The following TAF1B variants were observed in gnomAD, a reference collection of about 807,000 sequenced individuals.
TAF1B encodes the protein TATA box-binding protein-associated factor RNA polymerase I subunit B.
TAF1B carries 61 observed loss-of-function variants against 83.9 expected under a neutral mutation model. That is an observed-to-expected ratio of 0.73 (90% CI 0.59 to 0.90). The LOEUF (loss-of-function observed/expected upper bound fraction) is 0.90. TAF1B is among the 40% of genes least tolerant of loss of function. The pLI, the probability that TAF1B is intolerant of heterozygous loss-of-function variation, is 0.00. For missense variants in TAF1B, 625 were observed against 677.0 expected (o/e 0.92, Z 0.85); for synonymous variants, 221 against 224.6 (o/e 0.98, Z 0.14).
chr2:9,865,929 A>G (rs1294755426), intron 5 of TAF1B, among the ~76,000 whole-genome samples: 6 of 151,722 alleles, frequency 4.0e-5, no homozygotes, highest in East Asian at 3.9e-4. Flanking sequence ...TTATACAAAA[A>G]TTAATTCAAG....
At chr2:9,869,289 A>G (rs1330339716) in intron 6 of TAF1B, among the ~76,000 whole-genome samples, 1 of 151,932 alleles carries the variant, frequency 6.6e-6, no homozygotes, top group African/African-American at 2.4e-5. Flanking sequence ...CAGTGGTGCA[A>G]TCTCGGCTCA....
At chr2:9,852,841 G>A (rs1663441932) in intron 4 of TAF1B, among the ~76,000 whole-genome samples, 1 of 152,184 alleles carries the variant, frequency 6.6e-6, no homozygotes, top group Non-Finnish European at 1.5e-5. Context: ...GATCAACATG[G>A]GCTGCAGTCA....
chr2:9,845,328 A>G lies in TAF1B; in HGVS notation c.117+10A>G. The G allele has an allele frequency of 6.2e-7, 1 of 1,607,488 alleles. No individual in the cohort carries two copies. The highest frequency in any genetic ancestry group is 8.5e-7 in the Non-Finnish European group (1 of 1,174,280). Reference sequence around the variant, plus strand: ...CCACAATGTTACAGAGGTAAGTAACAAATATCATTTATGAATTTGCTTATG... The same window carrying G: ...CCACAATGTTACAGAGGTAAGTAACGAATATCATTTATGAATTTGCTTATG... On this transcript the variant is annotated intron_variant, in intron 2 of 14. Transcript: ENST00000263663.
intron 7 of TAF1B, among the ~76,000 whole-genome samples, chr2:9,877,305 A>G (rs1664348099): frequency 6.6e-6 from 1 of 152,178 alleles, no homozygotes; most frequent in South Asian, 2.1e-4. Flanking sequence ...CAGAATCAGC[A>G]TGACTAGAGG....
At chr2:9,898,895 T>G (rs943720493) in intron 8 of TAF1B, among the ~76,000 whole-genome samples, 7 of 149,536 alleles carry the variant, frequency 4.7e-5, no homozygotes, top group Admixed American at 1.3e-4. Context: ...TTAACATGTG[T>G]TTTTTTTTTC....
At chr2:9,874,569 G>T (rs1158121469) in intron 6 of TAF1B, among the ~76,000 whole-genome samples, 2 of 151,964 alleles carry the variant, frequency 1.3e-5, no homozygotes. Context: ...ATGGCACCTG[G>T]CTCTGCCAAT....
At chr2:9,892,257 G>A (rs1664893190) in intron 8 of TAF1B, among the ~76,000 whole-genome samples, 1 of 152,166 alleles carries the variant, frequency 6.6e-6, no homozygotes, top group Non-Finnish European at 1.5e-5. Flanking sequence ...ATCTCATATA[G>A]CCTAGGTGTG....
intron 8 of TAF1B, among the ~76,000 whole-genome samples, chr2:9,884,795 G>A (rs1248094715): frequency 1.3e-5 from 2 of 152,144 alleles, no homozygotes; most frequent in Non-Finnish European, 2.9e-5. Context: ...GGAGCTCCCT[G>A]GGTGCTGCTG....
At chr2:9,879,914 G>A (rs1664443228) in intron 7 of TAF1B, among the ~76,000 whole-genome samples, 1 of 152,176 alleles carries the variant, frequency 6.6e-6, no homozygotes, top group Non-Finnish European at 1.5e-5. Flanking sequence ...ATACCCAGGG[G>A]AACTGCGGGT....
chr2:9,855,287 G>A (rs563441047), intron 5 of TAF1B, among the ~76,000 whole-genome samples: 6 of 152,278 alleles, frequency 3.9e-5, no homozygotes, highest in East Asian at 3.9e-4. Context: ...GAGCCACTGC[G>A]CCCAGCCAGT....
At chr2:9,920,450 C>T (rs4669494) in intron 14 of TAF1B, among the ~76,000 whole-genome samples, 22,261 of 151,894 alleles carry the variant, frequency 0.15, 1,937 homozygotes, top group East Asian at 0.29. Context: ...AGTGATGTTA[C>T]ACAATGTTTC....
At chr2:9,928,556 C>T (rs1666115325) in intron 14 of TAF1B, among the ~76,000 whole-genome samples, 1 of 152,144 alleles carries the variant, frequency 6.6e-6, no homozygotes, top group Admixed American at 6.5e-5. Flanking sequence ...TTGTAGTTCT[C>T]CTTGAAGAGA....
intron 8 of TAF1B, among the ~76,000 whole-genome samples, chr2:9,884,558 G>A (rs1185058447): frequency 6.6e-6 from 1 of 152,184 alleles, no homozygotes; most frequent in East Asian, 1.9e-4. Flanking sequence ...TGCAGCCAGG[G>A]TATCCTGATG....
chr2:9,870,656 A>G (rs1664140042), intron 6 of TAF1B, among the ~76,000 whole-genome samples: 1 of 152,090 alleles, frequency 6.6e-6, no homozygotes, highest in South Asian at 2.1e-4. Flanking sequence ...GCTCTTTCAC[A>G]CATTCCTCAC....
Position 9,888,790 on chromosome 2 carries a change from G to GGTTTT in TAF1B, c.807+5985_807+5986insGTTTT, listed in dbSNP as rs753209727. On this transcript the variant is annotated intron_variant, in intron 8 of 14. Coordinates refer to ENST00000263663, the MANE Select transcript of TAF1B (RefSeq NM_005680.3). ...GTTTTCTTTATGTTTCTTCTGCTTG[G>GGTTTT]TTTTTTTTTTTTTTTTTTTTTTTTT... Among the ~76,000 whole-genome samples, 142 of 81,632 alleles carry GGTTTT rather than the reference G, an allele frequency of 1.7e-3. 3 individuals carry two copies. Among genetic ancestry groups the GGTTTT allele is most frequent in the Non-Finnish European group, 2.3e-3 (109 of 47,624 alleles). 53.6% of individuals were successfully genotyped at this position (81,632 alleles called of 152,430 possible).
chr2:9,861,817 C>G (rs1160230576), intron 5 of TAF1B, among the ~76,000 whole-genome samples: 1 of 152,350 alleles, frequency 6.6e-6, no homozygotes, highest in Admixed American at 6.5e-5. Context: ...GCCACTGCTG[C>G]TGATACCCAG....
chr2:9,879,836 A>G (rs1277055241), intron 7 of TAF1B, among the ~76,000 whole-genome samples: 3 of 152,176 alleles, frequency 2.0e-5, no homozygotes, highest in South Asian at 2.1e-4. Flanking sequence ...GGTTTTCAAT[A>G]TGTTTTCAAA....
intron 5 of TAF1B, among the ~76,000 whole-genome samples, chr2:9,856,047 C>T (rs1663555689): frequency 6.6e-6 from 1 of 152,032 alleles, no homozygotes; most frequent in African/African-American, 2.4e-5. Flanking sequence ...GGAATTTGGC[C>T]CAGTGTTTCC....
In TAF1B at chr2:9,923,237, C is replaced by CA. The variant is rs71391173; in HGVS notation, c.1565+3436dup. Among the ~76,000 whole-genome samples the CA allele has an allele frequency of 7.7e-3, 870 of 112,994 alleles. 13 individuals carry two copies. The highest frequency in any genetic ancestry group is 0.027 in the African/African-American group (640 of 23,794). The allele number at this position is 112,994 out of a possible 152,430, so 74.1% of individuals were successfully genotyped here. A position where few individuals can be genotyped will look rare whatever the true frequency, so the allele number is the denominator to read the frequency against. Reference sequence around the variant, plus strand: ...TGGGCGACAGAGCAAGACTCCATCTCAAAAAAAAAAAAAAAAAAATTATTT... The same window carrying CA: ...TGGGCGACAGAGCAAGACTCCATCTCAAAAAAAAAAAAAAAAAAAATTATTT... On this transcript the variant is annotated intron_variant, in intron 14 of 14. Transcript: ENST00000263663.
Sources: gnomAD v4.1 joint callset for allele counts (sites outside exome capture counted in the v4.1 genomes callset) on GRCh38, gnomAD v4.1.1 for gene constraint, MANE v1.5 for transcripts, NCBI Gene and HGNC (gene_info 2026-07-23, HGNC 2026-07-21) for gene names.